Variants in PAIP2B observed in about 807,000 individuals in gnomAD.
The protein encoded by PAIP2B is poly(A) binding protein interacting protein 2B, also known as polyadenylate-binding protein-interacting protein 2B.
A neutral mutation model predicts 17.0 loss-of-function variants in PAIP2B; 13 were observed. The observed-to-expected ratio is 0.76, with a 90% CI of 0.50 to 1.22. PAIP2B has a LOEUF of 1.22. PAIP2B is among the 50% of genes most tolerant of loss of function. PAIP2B has a pLI of 0.00. For missense variants in PAIP2B, 117 were observed against 144.5 expected, an observed-to-expected ratio of 0.81 and a Z score of 0.98; for synonymous variants, 43 against 48.7, an observed-to-expected ratio of 0.88 and a Z score of 0.48.
intron 1 of PAIP2B, among the ~76,000 whole-genome samples, chr2:71,204,395 T>C (rs71414896): frequency 0.067 from 10,142 of 152,250 alleles, 378 homozygotes; most frequent in African/African-American, 0.092. Context: ...TTAGTTCTCT[T>C]TAAAGGTTTT....
intron 2 of PAIP2B, among the ~76,000 whole-genome samples, chr2:71,196,965 C>G (rs1184818327): frequency 6.6e-6 from 1 of 151,954 alleles, no homozygotes; most frequent in East Asian, 1.9e-4. Flanking sequence ...GCTTTTTTAC[C>G]CAGCTTGCCA....
At chr2:71,220,425 C>T (rs976053918) in intron 1 of PAIP2B, among the ~76,000 whole-genome samples, 2 of 152,040 alleles carry the variant, frequency 1.3e-5, no homozygotes, top group African/African-American at 4.8e-5. Context: ...TACAATAAAC[C>T]CATCAAAGCA....
intron 1 of PAIP2B, among the ~76,000 whole-genome samples, chr2:71,225,637 C>A (rs924255498): frequency 9.8e-5 from 15 of 152,316 alleles, no homozygotes; most frequent in Non-Finnish European, 1.5e-5. Flanking sequence ...AAAACCCTCA[C>A]TGTCCAATAT....
chr2:71,212,439 C>T (rs142106762), intron 1 of PAIP2B, among the ~76,000 whole-genome samples: 16 of 152,280 alleles, frequency 1.1e-4, no homozygotes, highest in Non-Finnish European at 2.1e-4. Flanking sequence ...CTGTTAACTG[C>T]CATTTTTAGA....
At chr2:71,212,734 A>C (rs539114614) in intron 1 of PAIP2B, among the ~76,000 whole-genome samples, 50 of 150,338 alleles carry the variant, frequency 3.3e-4, no homozygotes, top group African/African-American at 1.2e-3. Flanking sequence ...GATAACAGGC[A>C]TGAGCCACTA....
At chr2:71,200,181 A>C (rs926043083) in intron 2 of PAIP2B, among the ~76,000 whole-genome samples, 1 of 152,188 alleles carries the variant, frequency 6.6e-6, no homozygotes, top group African/African-American at 2.4e-5. Flanking sequence ...GCTAGCTAGA[A>C]ACCAGTTTCT....
At chr2:71,200,275 G>A (rs1288285643) in intron 2 of PAIP2B, among the ~76,000 whole-genome samples, 1 of 151,558 alleles carries the variant, frequency 6.6e-6, no homozygotes, top group Admixed American at 6.6e-5. Flanking sequence ...ATGGAATGGG[G>A]GTTGGCAGTG....
intron 1 of PAIP2B, among the ~76,000 whole-genome samples, chr2:71,207,870 G>A (rs1026693759): frequency 9.9e-5 from 15 of 152,056 alleles, no homozygotes; most frequent in Admixed American, 3.3e-4. Context: ...TAGGGGCGTG[G>A]GGGTAAAAAA....
chr2:71,225,528 T>C (rs1238548369), intron 1 of PAIP2B, among the ~76,000 whole-genome samples: 1 of 152,178 alleles, frequency 6.6e-6, no homozygotes, highest in Non-Finnish European at 1.5e-5. Context: ...ATTTACAAGA[T>C]TTTGTAAACC....
At chr2:71,202,388 A>G in intron 2 of PAIP2B, 64 bp downstream of exon 2, 2 of 1,562,154 alleles carry the variant, frequency 1.3e-6, no homozygotes, top group Non-Finnish European at 1.7e-6. Flanking sequence ...AACTGGCAGT[A>G]AAATATTATA....
Position 71,185,966 on chromosome 2 carries a change from A to T in PAIP2B, c.*2513T>A, listed in dbSNP as rs745408243. The T allele has an allele frequency of 4.6e-5, 7 of 152,258 alleles. No homozygotes were observed. Among genetic ancestry groups the T allele is most frequent in the Non-Finnish European group, 8.8e-5 (6 of 68,046 alleles). The allele number at this position is 152,258 out of a possible 1,614,324, so 9.4% of individuals were successfully genotyped here. ...GGCAACTGTTAGAAATACATGTTCC[A>T]TTTCTATACAAATTCTCAAACTTCT... On this transcript the variant is annotated 3_prime_UTR_variant, in exon 4 of 4. Transcript: ENST00000244221.
At chr2:71,215,140 G>C (rs1675394951) in intron 1 of PAIP2B, among the ~76,000 whole-genome samples, 1 of 152,054 alleles carries the variant, frequency 6.6e-6, no homozygotes. Context: ...TTCACAATAA[G>C]CTGGTGAAAA....
intron 2 of PAIP2B, among the ~76,000 whole-genome samples, chr2:71,197,474 G>A (rs1053238466): frequency 1.3e-5 from 2 of 152,160 alleles, no homozygotes; most frequent in African/African-American, 4.8e-5. Flanking sequence ...TGGAAAGTCT[G>A]ATGATTATGT....
At chr2:71,204,825 C>T (rs997145539) in intron 1 of PAIP2B, among the ~76,000 whole-genome samples, 1 of 152,170 alleles carries the variant, frequency 6.6e-6, no homozygotes, top group African/African-American at 2.4e-5. Context: ...CACAGAGACT[C>T]TTAAAGGTCC....
At chr2:71,204,353 T>C (rs923808513) in intron 1 of PAIP2B, among the ~76,000 whole-genome samples, 3 of 152,218 alleles carry the variant, frequency 2.0e-5, no homozygotes, top group African/African-American at 4.8e-5. Context: ...ATAAGTTATT[T>C]TCTGTTTCTG....
intron 1 of PAIP2B, among the ~76,000 whole-genome samples, chr2:71,224,069 A>C (rs1480210586): frequency 1.3e-5 from 2 of 152,214 alleles, no homozygotes; most frequent in African/African-American, 4.8e-5. Flanking sequence ...CCCAAGTCCC[A>C]AGGTGACCCT....
chr2:71,198,340 C>G (rs1373340925), intron 2 of PAIP2B, among the ~76,000 whole-genome samples: 1 of 149,524 alleles, frequency 6.7e-6, no homozygotes, highest in Non-Finnish European at 1.5e-5. Flanking sequence ...GGCTGGAGTG[C>G]AGTGGCGCGA....
intron 2 of PAIP2B, among the ~76,000 whole-genome samples, chr2:71,200,089 G>T (rs1674940364): frequency 6.6e-6 from 1 of 152,160 alleles, no homozygotes. Context: ...CTCCGAGTTT[G>T]GGGGGTTGTA....
At chr2:71,226,617 AG>A (rs1242458827) in intron 1 of PAIP2B, among the ~76,000 whole-genome samples, 1 of 151,144 alleles carries the variant, frequency 6.6e-6, no homozygotes, top group East Asian at 2.0e-4. Flanking sequence ...GAGTGTTAGG[AG>A]GACGCTGAGG....
Sources: gnomAD v4.1 joint callset for allele counts (sites outside exome capture counted in the v4.1 genomes callset) on GRCh38, gnomAD v4.1.1 for gene constraint, MANE v1.5 for transcripts, NCBI Gene and HGNC (gene_info 2026-07-23, HGNC 2026-07-21) for gene names.